TRPV1: variants seen among roughly 807,000 people sequenced by gnomAD.
The protein encoded by TRPV1 is transient receptor potential cation channel subfamily V member 1.
TRPV1 carries 82 observed loss-of-function variants against 82.3 expected under a neutral mutation model. The ratio of observed to expected loss-of-function variants is 1.00; its 90% confidence interval spans 0.83 to 1.20. TRPV1 has a LOEUF of 1.20. TRPV1 is among the 50% of genes most tolerant of loss of function. TRPV1 has a pLI of 0.00. For missense variants in TRPV1, 1,067 were observed against 1,096.8 expected, an observed-to-expected ratio of 0.97 and a Z score of 0.38; for synonymous variants, 515 against 467.7, an observed-to-expected ratio of 1.10 and a Z score of -1.30.
chr17:3,572,714 G>A (rs1217350404), intron 14 of TRPV1, among the ~76,000 whole-genome samples: 2 of 152,338 alleles, frequency 1.3e-5, no homozygotes, highest in South Asian at 4.1e-4. Flanking sequence ...CAGGCACAGT[G>A]GCTCACGCCT....
In TRPV1 at chr17:3,579,861, C is replaced by T. The variant is rs532108466; in HGVS notation, c.1547+596G>A. Among the ~76,000 whole-genome samples the T allele has an allele frequency of 4.6e-5, 7 of 152,284 alleles. No individual in the cohort carries two copies. The South Asian group carries it at 1.2e-3, about 27-fold the overall frequency. ...CAACCGGGAGTGATTCCGGCACCAC[C>T]CCCCAAAACAAGTGAGGGGCCTTTG... On this transcript the variant is annotated intron_variant, in intron 11 of 16. Transcript: ENST00000572705.
chr17:3,579,627 C>A (rs1597523839), intron 11 of TRPV1, among the ~76,000 whole-genome samples: 1 of 152,174 alleles, frequency 6.6e-6, no homozygotes, highest in Non-Finnish European at 1.5e-5. Flanking sequence ...AGGTGCGTGC[C>A]ACCATGCCTG....
rs573395486 is a variant in TRPV1, at chr17:3,576,181, C to CA, written c.1780+944dup. On this transcript the variant is annotated intron_variant, in intron 13 of 16. Transcript: ENST00000572705. ...AGGTTGTAGTGAGCTGAGATGGCGC[C>CA]ACTGCACTCCAGCCTGGGCAACAGC... 1.2e-3 allele frequency among the ~76,000 whole-genome samples: 175 copies of CA among 152,160 alleles called. 1 individual carries two copies. Among genetic ancestry groups the CA allele is most frequent in the Non-Finnish European group, 2.1e-3 (145 of 68,012 alleles).
rs200601093 is a variant in TRPV1 at position 3,573,890 on chromosome 17, A to T, written c.1846T>A (p.Trp616Arg). The part of the protein sequence containing the change: ...SLPSESTSHR[W>R]RGPACRPPDS... ...GGGGGCCTGCAGGCAGGCCCCCGCCACCTGTGCGACGTGGACTCAGACGGC... is the reference window on the plus strand; with the variant it reads ...GGGGGCCTGCAGGCAGGCCCCCGCCTCCTGTGCGACGTGGACTCAGACGGC... The change falls in exon 14 of 17, where the codon TGG (tryptophan) becomes AGG (arginine). Residue 616 changes from tryptophan to arginine, a missense_variant. Transcript: ENST00000572705. The T allele has an allele frequency of 6.2e-6, 10 of 1,611,310 alleles. No homozygotes were observed. In the African/African-American group the frequency reaches 1.3e-4, roughly 22 times the overall value.
At chr17:3,584,601 G>A (rs1380598900) in intron 9 of TRPV1, among the ~76,000 whole-genome samples, 2 of 151,990 alleles carry the variant, frequency 1.3e-5, no homozygotes, top group Non-Finnish European at 2.9e-5. Context: ...TTCAAGACTA[G>A]CCTGGCCAAT....
intron 1 of TRPV1, 57 bp downstream of exon 1, chr17:3,609,252 C>G (rs1214616122): frequency 4.0e-5 from 6 of 151,548 alleles, no homozygotes; most frequent in Admixed American, 4.0e-4. Flanking sequence ...CTTAGAGCTT[C>G]CAGATAATCA....
rs772685056 is a variant in TRPV1, at chr17:3,590,023, G to A, written c.828C>T (p.Ala276=). 43 of 1,570,114 alleles carry A rather than the reference G, an allele frequency of 2.7e-5. No individual in the cohort carries two copies. In the Admixed American group the frequency reaches 4.4e-4, roughly 16 times the overall value. The change falls in exon 7 of 17, where the codon GCC becomes GCT. Residue 276 remains alanine (A), a synonymous_variant. Coordinates refer to ENST00000572705, the MANE Select transcript of TRPV1 (RefSeq NM_080704.4). ...CCACCGAGTCCCTGGCGCTGATGTC[G>A]GCCGTCTGCCAGGAGTTCTGCAGCA... ...KFLLQNSWQT[A]DISARDSVGN...
intron 2 of TRPV1, among the ~76,000 whole-genome samples, chr17:3,598,694 T>C (rs1567675629): frequency 6.6e-6 from 1 of 150,724 alleles, no homozygotes; most frequent in African/African-American, 2.4e-5. Flanking sequence ...GCCTCCCAAG[T>C]AGCTGGGATT....
At chr17:3,575,681 C>A (rs915171667) in intron 13 of TRPV1, among the ~76,000 whole-genome samples, 2 of 152,068 alleles carry the variant, frequency 1.3e-5, no homozygotes, top group Non-Finnish European at 2.9e-5. Context: ...TCTGGCAGAT[C>A]CACCAAAACC....
Position 3,592,093 on chromosome 17 carries a change from C to G in TRPV1, c.258G>C (p.Arg86Ser), listed in dbSNP as rs528928532. Residue 86 changes from arginine (R) to serine (S), a missense_variant, in exon 3 of 17, where the codon AGG (arginine) becomes AGC (serine). By Grantham distance (110) the Arg-to-Ser change is moderately radical (BLOSUM62 -1). Coordinates refer to ENST00000572705, the MANE Select transcript of TRPV1 (RefSeq NM_080704.4). ...TGGCACCGGTGGGGCCGTCTCCTGG[C>G]CTCTGGATGGTGATAACAGGGCTGA... The part of the protein sequence containing the change: ...ITVSPVITIQ[R>S]PGDGPTGARL... 6.2e-6 allele frequency: 10 copies of G among 1,613,588 alleles called. No individual in the cohort carries two copies. In the East Asian group the frequency reaches 2.0e-4, roughly 32 times the overall value.
chr17:3,583,268 C>T (rs532629725), intron 10 of TRPV1, 70 bp downstream of exon 10: 51 of 1,324,330 alleles, frequency 3.9e-5, no homozygotes, highest in Non-Finnish European at 4.8e-5. Context: ...AGTGAGTGAG[C>T]GCTGAGGGAT....
chr17:3,597,576 G>A lies in TRPV1; in HGVS notation c.-33-5193C>T, dbSNP rs190795619. ...CAAACCTGGAGTAGGGGTTGGCGTC[G>A]AGGGGGTCTTCTGGGTCAGCCAGGT... On this transcript the variant is annotated intron_variant, in intron 2 of 16. Coordinates refer to ENST00000572705, the MANE Select transcript of TRPV1 (RefSeq NM_080704.4). Among the ~76,000 whole-genome samples, 417 of 152,108 alleles carry A rather than the reference G, an allele frequency of 2.7e-3. 5 individuals carry two copies. Among genetic ancestry groups the A allele is most frequent in the African/African-American group, 9.1e-3 (379 of 41,484 alleles).
chr17:3,598,099 C>T (rs558679362), intron 2 of TRPV1, among the ~76,000 whole-genome samples: 1 of 152,360 alleles, frequency 6.6e-6, no homozygotes, highest in South Asian at 2.1e-4. Flanking sequence ...TTCATTCTCT[C>T]CCAGACCCTG....
At chr17:3,574,789 A>T (rs1446600822) in intron 13 of TRPV1, among the ~76,000 whole-genome samples, 1 of 151,912 alleles carries the variant, frequency 6.6e-6, no homozygotes, top group Non-Finnish European at 1.5e-5. Context: ...CTCTACTAAA[A>T]ATAGCCAGGT....
At chr17:3,607,567 C>T (rs1352240564) in intron 2 of TRPV1, among the ~76,000 whole-genome samples, 2 of 148,630 alleles carry the variant, frequency 1.3e-5, no homozygotes, top group Non-Finnish European at 3.0e-5. Flanking sequence ...GGCAGAGTCT[C>T]GCTCTGTCAC....
chr17:3,583,540 AG>A, intron 9 of TRPV1, 110 bp from the exon 10 acceptor site: 1 of 901,474 alleles, frequency 1.1e-6, no homozygotes, highest in Non-Finnish European at 1.7e-6. Flanking sequence ...AGCCTCCATC[AG>A]GGGAAGGACA....
intron 2 of TRPV1, among the ~76,000 whole-genome samples, chr17:3,606,910 G>C (rs2075299242): frequency 6.6e-6 from 1 of 152,198 alleles, no homozygotes; most frequent in Non-Finnish European, 1.5e-5. Flanking sequence ...GGGCAGGCGA[G>C]ACAGGCTGCC....
chr17:3,599,706 G>A (rs899753365), intron 2 of TRPV1, among the ~76,000 whole-genome samples: 2 of 149,746 alleles, frequency 1.3e-5, no homozygotes, highest in African/African-American at 2.5e-5. Flanking sequence ...TCAGCTCACT[G>A]CAACCTCCAC....
rs2075017336 is a variant in TRPV1 at position 3,581,820 on chromosome 17, G to A, written c.1477-1293C>T. On this transcript the variant is annotated intron_variant, in intron 10 of 16. Coordinates refer to ENST00000572705, the MANE Select transcript of TRPV1 (RefSeq NM_080704.4). ...GAATCACTTGAACCCAGGAGGTGGA[G>A]GTTGCAGTGAGCCAAGATCACACCA... 1.4e-5 allele frequency among the ~76,000 whole-genome samples: 2 copies of A among 147,384 alleles called. 1 individual carries two copies. Among genetic ancestry groups the A allele is most frequent in the African/African-American group, 4.9e-5 (2 of 40,482 alleles).
Sources: gnomAD v4.1 joint callset for allele counts (sites outside exome capture counted in the v4.1 genomes callset) on GRCh38, gnomAD v4.1.1 for gene constraint, MANE v1.5 for transcripts, NCBI Gene and HGNC (gene_info 2026-07-23, HGNC 2026-07-21) for gene names.